KDM2B: variants seen among roughly 807,000 people sequenced by gnomAD.
KDM2B encodes lysine-specific demethylase 2B.
KDM2B carries 26 observed loss-of-function variants against 150.0 expected under a neutral mutation model. That is an observed-to-expected ratio of 0.17 (90% CI 0.13 to 0.24). The LOEUF (loss-of-function observed/expected upper bound fraction) is 0.24. KDM2B is among the 10% of genes least tolerant of loss of function. The probability of loss-of-function intolerance (pLI) is 1.00; values close to 1 mark genes in which losing one functional copy is unlikely to be tolerated. For synonymous variants in KDM2B, 734 were observed against 729.5 expected, an observed-to-expected ratio of 1.01 and a Z score of -0.10; for missense variants, 1,265 against 1,816.9, an observed-to-expected ratio of 0.70 and a Z score of 5.52.
chr12:121,579,052 C>A, intron 1 of KDM2B, 106 bp from the exon 2 acceptor site: 1 of 1,273,410 alleles, frequency 7.9e-7, no homozygotes, highest in Non-Finnish European at 1.1e-6. Flanking sequence ...GCGCCCCCTG[C>A]ACCCCACCAT....
intron 4 of KDM2B, among the ~76,000 whole-genome samples, chr12:121,552,271 G>A (rs951470300): frequency 2.6e-5 from 4 of 152,284 alleles, no homozygotes; most frequent in Admixed American, 6.5e-5. Flanking sequence ...TGCCCAATTC[G>A]TGAGTGGCAG....
At chr12:121,571,328 A>G (rs1208663608) in intron 4 of KDM2B, among the ~76,000 whole-genome samples, 1 of 152,188 alleles carries the variant, frequency 6.6e-6, no homozygotes, top group African/African-American at 2.4e-5. Context: ...TCAGTCTGTC[A>G]CCCAGGCTGG....
chr12:121,577,110 T>C (rs1891548147), intron 2 of KDM2B, among the ~76,000 whole-genome samples: 1 of 152,156 alleles, frequency 6.6e-6, no homozygotes. Flanking sequence ...AGATCTGAAT[T>C]AAAGAGCAAA....
intron 21 of KDM2B, 42 bp from the exon 22 acceptor site, chr12:121,440,117 G>C: frequency 6.8e-7 from 1 of 1,465,298 alleles, no homozygotes; most frequent in South Asian, 1.2e-5. Context: ...CAATCTGACC[G>C]AGGAGGCCTG....
rs58941915 is a variant in KDM2B at position 121,569,826 on chromosome 12, TTTTC to T, written c.397+4717_397+4720del. 3.2e-3 allele frequency among the ~76,000 whole-genome samples: 483 copies of T among 149,620 alleles called. 3 individuals are homozygous for T. The highest frequency in any genetic ancestry group is 0.011 in the African/African-American group (437 of 39,932). ...ATGACTGTTCCTGCTTTCTTTTTTC[TTTTC>T]TTTCTTTCTTTCTTTCTTTTTTTTT... On this transcript the variant is annotated intron_variant, in intron 4 of 22. Coordinates refer to ENST00000377071, the MANE Select transcript of KDM2B (RefSeq NM_032590.5).
intron 12 of KDM2B, among the ~76,000 whole-genome samples, chr12:121,485,312 T>C (rs1304239842): frequency 6.6e-6 from 1 of 152,072 alleles, no homozygotes; most frequent in Non-Finnish European, 1.5e-5. Flanking sequence ...TTGAGGATGT[T>C]GAAAATCATT....
chr12:121,525,050 G>A (rs1555306574), intron 8 of KDM2B, among the ~76,000 whole-genome samples: 4 of 152,112 alleles, frequency 2.6e-5, no homozygotes. Context: ...CTGGGCAAGG[G>A]ACACCTCACA....
intron 12 of KDM2B, among the ~76,000 whole-genome samples, chr12:121,458,292 C>T (rs541965368): frequency 1.3e-5 from 2 of 152,274 alleles, no homozygotes; most frequent in South Asian, 4.1e-4. Flanking sequence ...TGGAGAATCA[C>T]TTGAGCACAG....
In KDM2B at chr12:121,442,699, G is replaced by A; in HGVS notation, c.2742C>T (p.Ser914=). 3.8e-6 allele frequency: 6 copies of A among 1,594,436 alleles called. No homozygotes were observed. Among genetic ancestry groups the A allele is most frequent in the Non-Finnish European group, 5.1e-6 (6 of 1,170,844 alleles). Residue 914 remains serine (S), a synonymous_variant, in exon 19 of 23, where the codon TCC becomes TCT. Coordinates refer to ENST00000377071, the MANE Select transcript of KDM2B (RefSeq NM_032590.5). This position sits in a 1 kb window ranked among gnomAD's most constrained non-coding sequence, Gnocchi z 7.7. ...CTTCGGTGCTGGGTCCCGCGGTGGG[G>A]GAGCTGGAGCGGGAGTGGTCGCTCT... ...TRESDHSRSS[S]PTAGPSTEGA...
In KDM2B at chr12:121,440,983, G is replaced by A; in HGVS notation, c.3449-6C>T. On this transcript the variant is annotated splice_region_variant and splice_polypyrimidine_tract_variant and intron_variant, in intron 20 of 22. Coordinates refer to ENST00000377071, the MANE Select transcript of KDM2B (RefSeq NM_032590.5). ...CAGCACCAAGTCCCGGAGCCCTGGG[G>A]GGACATAGAAAAGGGTGAAGGTCAG... The A allele has an allele frequency of 1.2e-6, 2 of 1,613,440 alleles. No individual in the cohort carries two copies. Among genetic ancestry groups the A allele is most frequent in the Middle Eastern group, 1.7e-4 (1 of 6,060 alleles).
At chr12:121,465,044 C>T (rs1011633831) in intron 12 of KDM2B, among the ~76,000 whole-genome samples, 6 of 152,088 alleles carry the variant, frequency 3.9e-5, no homozygotes, top group African/African-American at 1.4e-4. Context: ...CTGCCCCCCA[C>T]TGCCCTGGCT....
At chr12:121,420,087 G>T in the KDM2B span, 51 of 595,484 alleles carry the variant, frequency 8.6e-5, no homozygotes, top group Admixed American at 4.7e-4. Context: ...ATTTTGTAGG[G>T]CCCAACTTTT....
In KDM2B at chr12:121,452,300, T is replaced by A. The variant is rs1412752103; in HGVS notation, c.1959+820A>T. 1.3e-5 allele frequency among the ~76,000 whole-genome samples: 2 copies of A among 152,178 alleles called. No individual in the cohort carries two copies. Among genetic ancestry groups the A allele is most frequent in the Non-Finnish European group, 2.9e-5 (2 of 68,040 alleles). On this transcript the variant is annotated intron_variant, in intron 13 of 22. Transcript: ENST00000377071. The surrounding 1 kb of genome is among the most constrained non-coding windows in gnomAD (Gnocchi z 4.4). ...ATTAATGTATTTTTTTTACCACAATTTCAAAAAACAAAACACAAGAAATAT... is the reference window on the plus strand; with the variant it reads ...ATTAATGTATTTTTTTTACCACAATATCAAAAAACAAAACACAAGAAATAT...
intron 11 of KDM2B, among the ~76,000 whole-genome samples, chr12:121,502,980 GTT>G (rs782050310): frequency 1.5e-5 from 2 of 129,646 alleles, no homozygotes; most frequent in Non-Finnish European, 3.2e-5. Flanking sequence ...TTTTTTGTGG[GTT>G]TTTTTTTTTT....
intron 12 of KDM2B, among the ~76,000 whole-genome samples, chr12:121,491,687 G>A (rs1398532551): frequency 6.6e-6 from 1 of 151,648 alleles, no homozygotes; most frequent in Admixed American, 6.6e-5. Context: ...CCAGCTATTC[G>A]GGAGGCTGAG....
At chr12:121,548,506 G>A (rs1460853895) in intron 6 of KDM2B, among the ~76,000 whole-genome samples, 18 of 152,260 alleles carry the variant, frequency 1.2e-4, no homozygotes, top group Middle Eastern at 3.4e-3. Flanking sequence ...CAGGTCCCCC[G>A]AAAATGCCCA....
intron 14 of KDM2B, 110 bp downstream of exon 14, chr12:121,445,165 G>C: frequency 7.6e-7 from 1 of 1,308,872 alleles, no homozygotes; most frequent in Non-Finnish European, 1.1e-6. Flanking sequence ...AGACTCAGGG[G>C]TCCTCCAGGA....
chr12:121,502,619 T>C (rs1256521292), intron 11 of KDM2B, among the ~76,000 whole-genome samples: 6 of 148,116 alleles, frequency 4.1e-5, no homozygotes, highest in African/African-American at 1.5e-4. Context: ...AGACTCGGAC[T>C]CAAAAAAAAA....
intron 12 of KDM2B, among the ~76,000 whole-genome samples, chr12:121,487,817 AGGGTCTTGCCCTGT>A (rs1451916532): frequency 6.8e-6 from 1 of 147,824 alleles, no homozygotes; most frequent in Non-Finnish European, 1.5e-5. Context: ...TTTTTGAGAC[AGGGTCTTGCCCTGT>A]GGCACGGTGT....
Sources: gnomAD v4.1 joint callset for allele counts (sites outside exome capture counted in the v4.1 genomes callset) on GRCh38, gnomAD v4.1.1 for gene constraint, Gnocchi (gnomAD v3.1) non-coding constraint, MANE v1.5 for transcripts, NCBI Gene and HGNC (gene_info 2026-07-23, HGNC 2026-07-21) for gene names.